The following SLC44A1 variants were observed in gnomAD, a reference collection of about 807,000 sequenced individuals.
SLC44A1 encodes the protein choline transporter-like protein 1.
SLC44A1 carries 26 observed loss-of-function variants against 79.3 expected under a neutral mutation model. The ratio of observed to expected loss-of-function variants is 0.33; its 90% CI spans 0.24 to 0.46. The LOEUF (loss-of-function observed/expected upper bound fraction) is 0.46, where lower values mean the gene tolerates loss of function less well. SLC44A1 is among the 20% of genes least tolerant of loss of function. The pLI, the probability that SLC44A1 is intolerant of heterozygous loss-of-function variation, is 1.00. For missense variants in SLC44A1, 688 were observed against 798.1 expected, an observed-to-expected ratio of 0.86 and a Z score of 1.66; for synonymous variants, 263 against 286.2, an observed-to-expected ratio of 0.92 and a Z score of 0.82.
intron 15 of SLC44A1, among the ~76,000 whole-genome samples, chr9:105,414,346 C>T (rs1409946457): frequency 1.3e-5 from 2 of 152,156 alleles, no homozygotes; most frequent in Non-Finnish European, 1.5e-5. Context: ...TGAGCCACCA[C>T]GCCCAGCCGA....
At chr9:105,354,039 CTTTTTTTTTTT>C (rs556502972) in intron 5 of SLC44A1, among the ~76,000 whole-genome samples, 55 of 98,482 alleles carry the variant, frequency 5.6e-4, no homozygotes, top group African/African-American at 2.6e-3. Flanking sequence ...ACAGTTAATC[CTTTTTTTTTTT>C]TTTTTTTTTT....
At chr9:105,412,763 G>A (rs188777184) in intron 15 of SLC44A1, among the ~76,000 whole-genome samples, 10 of 151,970 alleles carry the variant, frequency 6.6e-5, no homozygotes, top group Admixed American at 1.3e-4. Flanking sequence ...CACCACGCCC[G>A]GCTAATTTTT....
chr9:105,267,084 T>A (rs1332412409), intron 1 of SLC44A1, among the ~76,000 whole-genome samples: 1 of 152,202 alleles, frequency 6.6e-6, no homozygotes, highest in Non-Finnish European at 1.5e-5. Flanking sequence ...AAAGGCTCCA[T>A]GAGGGAAGTT....
chr9:105,310,927 T>TGATA (rs1309245287), intron 3 of SLC44A1, among the ~76,000 whole-genome samples: 6 of 152,182 alleles, frequency 3.9e-5, no homozygotes, highest in African/African-American at 1.4e-4. Context: ...AACTAGCATG[T>TGATA]GATACCACCC....
At chr9:105,362,169 T>C (rs1332667922) in intron 8 of SLC44A1, among the ~76,000 whole-genome samples, 1 of 152,210 alleles carries the variant, frequency 6.6e-6, no homozygotes, top group Non-Finnish European at 1.5e-5. Context: ...ATACCTTTGG[T>C]TCATCATCGT....
At chr9:105,361,377 C>T in intron 8 of SLC44A1, 47 bp downstream of exon 8, 4 of 1,528,074 alleles carry the variant, frequency 2.6e-6, no homozygotes, top group Non-Finnish European at 3.5e-6. Context: ...TTTTTGTTTG[C>T]AGGAGATCAT....
rs1392134511 is a variant in SLC44A1 at position 105,391,218 on chromosome 9, C to A, written c.*2162C>A. On this transcript the variant is annotated 3_prime_UTR_variant, in exon 16 of 16. Coordinates refer to ENST00000374720, the MANE Select transcript of SLC44A1 (RefSeq NM_080546.5). ...CACTTGGACATCCCTGCATCATGGA[C>A]TGTTGCTGCTCCCTGTTCCATATGC... The A allele has an allele frequency of 1.0e-6, 1 of 985,668 alleles. No individual in the cohort carries two copies. Among genetic ancestry groups the A allele is most frequent in the Non-Finnish European group, 1.2e-6 (1 of 829,924 alleles). The allele number at this position is 985,668 out of a possible 1,614,324, so 61.1% of individuals were successfully genotyped here.
downstream of SLC44A1, among the ~76,000 whole-genome samples, chr9:105,398,326 T>C (rs1828912890): frequency 1.3e-5 from 2 of 152,226 alleles, no homozygotes; most frequent in Admixed American, 1.3e-4. Flanking sequence ...GAGCTGATGA[T>C]AGTCCTGGTT....
At chr9:105,408,008 G>T (rs1194368670) in intron 15 of SLC44A1, among the ~76,000 whole-genome samples, 3 of 151,828 alleles carry the variant, frequency 2.0e-5, no homozygotes, top group Non-Finnish European at 2.9e-5. Flanking sequence ...CTATACTAAA[G>T]ATACAAAAAT....
chr9:105,253,492 C>T (rs1044837487), intron 1 of SLC44A1, among the ~76,000 whole-genome samples: 46 of 152,100 alleles, frequency 3.0e-4, no homozygotes, highest in African/African-American at 1.1e-3. Context: ...CTTTGGGAGG[C>T]TGAGGCAGGA....
At chr9:105,329,837 C>T (rs1826695544) in intron 3 of SLC44A1, among the ~76,000 whole-genome samples, 1 of 152,060 alleles carries the variant, frequency 6.6e-6, no homozygotes, top group Admixed American at 6.5e-5. Flanking sequence ...CTGGAAAATT[C>T]CTACTCAATT....
In SLC44A1 at chr9:105,396,628, C is replaced by T; in HGVS notation, c.*7572C>T. ...TATGGGGTGATATGAGCAGAAAACA[C>T]ACATCGGTGTGTCTTGATTTCTCGC... On this transcript the variant is annotated 3_prime_UTR_variant, in exon 16 of 16. Coordinates refer to ENST00000374720, the MANE Select transcript of SLC44A1 (RefSeq NM_080546.5). 1 of 985,396 alleles carries T rather than the reference C, an allele frequency of 1.0e-6. No homozygotes were observed. The highest frequency in any genetic ancestry group is 1.2e-6 in the Non-Finnish European group (1 of 829,932). 61.0% of individuals were successfully genotyped at this position (985,396 alleles called of 1,614,324 possible).
chr9:105,362,729 T>C, intron 8 of SLC44A1, 92 bp from the exon 9 acceptor site: 1 of 844,364 alleles, frequency 1.2e-6, no homozygotes, highest in Non-Finnish European at 1.8e-6. Context: ...CCTCCAGGTT[T>C]GGGGCTGAAG....
downstream of SLC44A1, among the ~76,000 whole-genome samples, chr9:105,399,832 C>T (rs1333398040): frequency 1.3e-5 from 2 of 152,160 alleles, no homozygotes; most frequent in Non-Finnish European, 2.9e-5. Context: ...TAGGTGCTCT[C>T]TCAGTCCTGT....
intron 2 of SLC44A1, among the ~76,000 whole-genome samples, chr9:105,304,715 T>C (rs1415942430): frequency 1.3e-5 from 2 of 152,078 alleles, no homozygotes; most frequent in Non-Finnish European, 2.9e-5. Context: ...AGTTACTTGC[T>C]CATGATGGTA....
chr9:105,268,838 T>C (rs920202363), intron 1 of SLC44A1, among the ~76,000 whole-genome samples: 4 of 152,222 alleles, frequency 2.6e-5, no homozygotes, highest in Non-Finnish European at 4.4e-5. Context: ...AGCAACTCAC[T>C]AAAGTAGATA....
intron 1 of SLC44A1, among the ~76,000 whole-genome samples, chr9:105,253,818 G>A (rs566529116): frequency 2.6e-5 from 4 of 152,166 alleles, no homozygotes; most frequent in African/African-American, 4.8e-5. Flanking sequence ...TCCGCCTCCC[G>A]GGTTTAAGCG....
At chr9:105,383,073 G>A in intron 13 of SLC44A1, 50 bp from the exon 14 acceptor site, 1 of 1,275,624 alleles carries the variant, frequency 7.8e-7, no homozygotes, top group South Asian at 1.2e-5. Context: ...AAAAAAGAGT[G>A]GCTTTCTTCA....
chr9:105,244,960 G>C, intron 1 of SLC44A1, 56 bp downstream of exon 1: 7 of 937,068 alleles, frequency 7.5e-6, no homozygotes, highest in Non-Finnish European at 9.4e-6. Flanking sequence ...GCGCCGCGTC[G>C]CGCGGCGGGC....
Sources: gnomAD v4.1 joint callset for allele counts (sites outside exome capture counted in the v4.1 genomes callset) on GRCh38, gnomAD v4.1.1 for gene constraint, MANE v1.5 for transcripts, NCBI Gene and HGNC (gene_info 2026-07-23, HGNC 2026-07-21) for gene names.